The following APLP1 variants were observed in gnomAD, a reference collection of about 807,000 sequenced individuals.
APLP1 encodes the protein amyloid beta precursor like protein 1.
APLP1 carries 46 observed loss-of-function variants against 84.5 expected under a neutral mutation model. The observed-to-expected ratio is 0.54, with a 90% CI of 0.43 to 0.70. The LOEUF (loss-of-function observed/expected upper bound fraction) is 0.70. APLP1 is among the 30% of genes least tolerant of loss of function. The pLI is 0.00. For synonymous variants in APLP1, 376 were observed against 364.0 expected, an observed-to-expected ratio of 1.03 and a Z score of -0.38; for missense variants, 826 against 900.2, an observed-to-expected ratio of 0.92 and a Z score of 1.05.
Position 35,871,670 on chromosome 19 carries a change from C to T in APLP1, c.596C>T (p.Ser199Leu), listed in dbSNP as rs370111912. 6.2e-6 allele frequency: 10 copies of T among 1,614,108 alleles called. No individual in the cohort carries two copies. The highest frequency in any genetic ancestry group is 4.5e-5 in the East Asian group (2 of 44,870). The change falls in exon 5 of 17, where the codon TCG becomes TTG. Residue 199 changes from serine (S) to leucine (L), a missense_variant. Coordinates refer to ENST00000221891, the MANE Select transcript of APLP1 (RefSeq NM_001024807.3). ...HGSGMLLPCG[S>L]DRFRGVEYVC... is the part of the protein sequence containing the mutation. ...TCGGGCATGCTCTTACCCTGTGGCT[C>T]GGATCGGTTCCGTGGTGTGGAGTAT...
Position 35,872,022 on chromosome 19 carries a change from C to T in APLP1, c.836C>T (p.Ala279Val), listed in dbSNP as rs1365435884. 3 of 1,613,786 alleles carry T rather than the reference C, an allele frequency of 1.9e-6. No homozygotes were observed. The highest frequency in any genetic ancestry group is 2.5e-6 in the Non-Finnish European group (3 of 1,179,850). ...CCACCCCCAAGCTCCCATACACTTG[C>T]AGTGGTCGGCAAAGGTGAGGCAGTC... ...TVPPPSSHTL[A>V]VVGKVTPTPR... is the part of the protein sequence containing the mutation. The change falls in exon 6 of 17, where the codon GCA becomes GTA. Residue 279 changes from alanine (A) to valine (V), a missense_variant. By Grantham distance (64) the Ala-to-Val change is moderately conservative (BLOSUM62 0). Coordinates refer to ENST00000221891, the MANE Select transcript of APLP1 (RefSeq NM_001024807.3).
chr19:35,876,676 A>G (rs113790194), intron 11 of APLP1, 60 bp downstream of exon 11: 1 of 1,363,884 alleles, frequency 7.3e-7, no homozygotes, highest in Non-Finnish European at 1.0e-6. Flanking sequence ...TTGACTCCTA[A>G]ATGTTGGGCC....
In APLP1 at chr19:35,879,764, A is replaced by C; in HGVS notation, c.*323A>C. 3.3e-6 allele frequency: 1 copy of C among 300,868 alleles called. No homozygotes were observed. Among genetic ancestry groups the C allele is most frequent in the Non-Finnish European group, 6.2e-6 (1 of 162,198 alleles). 18.6% of individuals were successfully genotyped at this position (300,868 alleles called of 1,614,324 possible). A position where few individuals can be genotyped will look rare whatever the true frequency, so the allele number is the denominator to read the frequency against. On this transcript the variant is annotated 3_prime_UTR_variant, in exon 17 of 17. Coordinates refer to ENST00000221891, the MANE Select transcript of APLP1 (RefSeq NM_001024807.3). The stretch of plus-strand genomic sequence containing the variant: ...TTCACCCTCTCATGTTTCCCTACTA[A>C]CATCCCAATAAAGTCCTCTTCCCTA...
At position 35,874,677 on chromosome 19, in the gene APLP1, G is replaced by C. The variant is rs1259214740; in HGVS notation, c.1215+15G>C. 1 of 1,613,366 alleles carries C rather than the reference G, an allele frequency of 6.2e-7. No homozygotes were observed. ...ATCCGCCTCAGGTGCGGGGACCGTGGGGGCAGAGAGCAGAGGGTGAGAAGG... is the reference window on the plus strand; with the variant it reads ...ATCCGCCTCAGGTGCGGGGACCGTGCGGGCAGAGAGCAGAGGGTGAGAAGG... On this transcript the variant is annotated intron_variant, in intron 9 of 16. Transcript: ENST00000221891. The surrounding 1 kb of genome is among the most constrained non-coding windows in gnomAD (Gnocchi z 6.4).
rs1382359444 is a variant in APLP1 at position 35,872,051 on chromosome 19, GA to G, written c.850+17del. ...GGTCGGCAAAGGTGAGGCAGTCTCT[GA>G]ACCCCTGGGGCCTCTCCACCATAGA... is the stretch of plus-strand genomic sequence containing the variant. On this transcript the variant is annotated intron_variant, in intron 6 of 16. Coordinates refer to ENST00000221891, the MANE Select transcript of APLP1 (RefSeq NM_001024807.3). 2 of 1,610,754 alleles carry G rather than the reference GA, an allele frequency of 1.2e-6. No homozygotes were observed. Among genetic ancestry groups the G allele is most frequent in the Admixed American group, 3.3e-5 (2 of 59,816 alleles).
chr19:35,868,804 G>A lies in APLP1; in HGVS notation c.147+21G>A. On this transcript the variant is annotated intron_variant, in intron 1 of 16. Transcript: ENST00000221891. This position sits in a 1 kb window ranked among gnomAD's most constrained non-coding sequence, Gnocchi z 5.2. The stretch of plus-strand genomic sequence containing the variant: ...CCGAGGTGAGGCCGGGCCGGGTCCT[G>A]GGGGATGGGGGAAGGGGCGGGACCG... 7.8e-7 allele frequency: 1 copy of A among 1,280,422 alleles called. No homozygotes were observed. Among genetic ancestry groups the A allele is most frequent in the Non-Finnish European group, 9.9e-7 (1 of 1,013,588 alleles). 79.3% of individuals were successfully genotyped at this position (1,280,422 alleles called of 1,614,324 possible).
intron 1 of APLP1, 73 bp from the exon 2 acceptor site, chr19:35,869,594 A>C: frequency 6.3e-7 from 1 of 1,580,234 alleles, no homozygotes; most frequent in Non-Finnish European, 8.6e-7. Flanking sequence ...TCTCGGTCCT[A>C]GGGAGCAAAG....
At chr19:35,869,876 C>A in intron 2 of APLP1, 66 bp downstream of exon 2, 1 of 1,532,594 alleles carries the variant, frequency 6.5e-7, no homozygotes, top group South Asian at 1.2e-5. Context: ...AAGGCGTGGT[C>A]CAGGGTGCTG....
In APLP1 at chr19:35,874,136, T is replaced by C. The variant is rs1459644738; in HGVS notation, c.1057-368T>C. Among the ~76,000 whole-genome samples, 2 of 152,148 alleles carry C rather than the reference T, an allele frequency of 1.3e-5. No individual in the cohort carries two copies. Among genetic ancestry groups the C allele is most frequent in the African/African-American group, 4.8e-5 (2 of 41,444 alleles). On this transcript the variant is annotated intron_variant, in intron 8 of 16. Transcript: ENST00000221891. The surrounding 1 kb of genome is among the most constrained non-coding windows in gnomAD (Gnocchi z 6.4). Reference sequence around the variant, plus strand: ...GAGACCCCACTCATGTTAGCCCCCATTCCAGCTCTTTGTCCCACCCCTATC... The same window carrying C: ...GAGACCCCACTCATGTTAGCCCCCACTCCAGCTCTTTGTCCCACCCCTATC...
Position 35,868,698 on chromosome 19 carries a change from CGCT to C in APLP1, c.71_73del (p.Leu24del), listed in dbSNP as rs1167191465. ...CGCCGCCCGGGCCAGCCGCCGCTGC[CGCT>C]GCTGCTGCCACTATTGCTGCTGCTT... On this transcript the variant is annotated inframe_deletion, in exon 1 of 17. Coordinates refer to ENST00000221891, the MANE Select transcript of APLP1 (RefSeq NM_001024807.3). The surrounding 1 kb of genome is among the most constrained non-coding windows in gnomAD (Gnocchi z 5.2). 1.4e-6 allele frequency: 2 copies of C among 1,416,484 alleles called. No individual in the cohort carries two copies. Among genetic ancestry groups the C allele is most frequent in the Admixed American group, 3.0e-5 (1 of 33,808 alleles). 87.7% of individuals were successfully genotyped at this position (1,416,484 alleles called of 1,614,324 possible). A position where few individuals can be genotyped will look rare whatever the true frequency, so the allele number is the denominator to read the frequency against.
rs958606394 is a variant in APLP1, at chr19:35,874,231, C to T, written c.1057-273C>T. On this transcript the variant is annotated intron_variant, in intron 8 of 16. Coordinates refer to ENST00000221891, the MANE Select transcript of APLP1 (RefSeq NM_001024807.3). This position sits in a 1 kb window ranked among gnomAD's most constrained non-coding sequence, Gnocchi z 6.4. Reference sequence around the variant, plus strand: ...CCAGGAGCCCTGCAAGGCTTTGTCCCTTTCACCTTAACATTGGTCAGTTCT... The same window carrying T: ...CCAGGAGCCCTGCAAGGCTTTGTCCTTTTCACCTTAACATTGGTCAGTTCT... Among the ~76,000 whole-genome samples, 1 of 152,224 alleles carries T rather than the reference C, an allele frequency of 6.6e-6. No individual in the cohort carries two copies. Among genetic ancestry groups the T allele is most frequent in the African/African-American group, 2.4e-5 (1 of 41,454 alleles).
intron 7 of APLP1, among the ~76,000 whole-genome samples, chr19:35,873,282 T>C (rs920123231): frequency 1.3e-5 from 2 of 150,468 alleles, no homozygotes; most frequent in African/African-American, 4.9e-5. Flanking sequence ...AGTTTCGCTC[T>C]GTTGCCCAGG....
chr19:35,871,001 C>G lies in APLP1; in HGVS notation c.397C>G (p.His133Asp). 1 of 1,548,650 alleles carries G rather than the reference C, an allele frequency of 6.5e-7. No homozygotes were observed. Among genetic ancestry groups the G allele is most frequent in the South Asian group, 1.2e-5 (1 of 82,058 alleles). Residue 133 changes from histidine (H) to aspartate (D), a missense_variant, in exon 3 of 17, where the codon CAC (histidine) becomes GAC (aspartate). Coordinates refer to ENST00000221891, the MANE Select transcript of APLP1 (RefSeq NM_001024807.3). ...SRSGSCAHPH[H>D]QVVPFRCLPG... ...GAGCGGCAGCTGCGCCCACCCCCACCACCAGGTTGTGCCCTTCCGCTGCCT... is the reference window on the plus strand; with the variant it reads ...GAGCGGCAGCTGCGCCCACCCCCACGACCAGGTTGTGCCCTTCCGCTGCCT...
chr19:35,878,769 G>C, intron 14 of APLP1, 115 bp downstream of exon 14: 9 of 1,528,780 alleles, frequency 5.9e-6, no homozygotes, highest in Non-Finnish European at 8.2e-6. Flanking sequence ...GGAAGAGGGA[G>C]CTGAGGACGT....
rs768846654 is a variant in APLP1 at position 35,873,633 on chromosome 19, A to G, written c.982-6A>G. On this transcript the variant is annotated splice_polypyrimidine_tract_variant and splice_region_variant and intron_variant, in intron 7 of 16. Transcript: ENST00000221891. ...CTGGGATCCTGAAGCTCCCCTCCCT[A>G]TGCAGGTGATGCGTGAATGGGCCAT... The G allele has an allele frequency of 3.7e-6, 6 of 1,614,056 alleles. No homozygotes were observed. The highest frequency in any genetic ancestry group is 1.7e-5 in the Admixed American group (1 of 60,004).
intron 11 of APLP1, 65 bp from the exon 12 acceptor site, chr19:35,877,653 G>A (rs1227694119): frequency 9.2e-7 from 1 of 1,090,484 alleles, no homozygotes; most frequent in African/African-American, 1.6e-5. Flanking sequence ...TGCTCTACTG[G>A]TAGGGTGCCC....
Position 35,871,661 on chromosome 19 carries a change from C to T in APLP1, c.587C>T (p.Pro196Leu). The T allele has an allele frequency of 6.2e-7, 1 of 1,614,098 alleles. No individual in the cohort carries two copies. Among genetic ancestry groups the T allele is most frequent in the Non-Finnish European group, 8.5e-7 (1 of 1,180,008 alleles). ...CTGCACGGCTCGGGCATGCTCTTAC[C>T]CTGTGGCTCGGATCGGTTCCGTGGT... is the stretch of plus-strand genomic sequence containing the variant. The part of the protein sequence containing the change: ...LILHGSGMLL[P>L]CGSDRFRGVE... The change falls in exon 5 of 17, where the codon CCC becomes CTC. Residue 196 changes from proline to leucine, a missense_variant. Pro to Leu is a moderately conservative substitution (Grantham distance 98). Around this residue, in one of 3 missense-constraint regions of APLP1, gnomAD observed 383 missense variants for 378.3 expected, o/e 1.01. Coordinates refer to ENST00000221891, the MANE Select transcript of APLP1 (RefSeq NM_001024807.3).
In APLP1 at chr19:35,871,682, G is replaced by T. The variant is rs781528434; in HGVS notation, c.608G>T (p.Arg203Leu). The T allele has an allele frequency of 6.2e-7, 1 of 1,614,056 alleles. No homozygotes were observed. Among genetic ancestry groups the T allele is most frequent in the South Asian group, 1.1e-5 (1 of 91,080 alleles). ...TTACCCTGTGGCTCGGATCGGTTCC[G>T]TGGTGTGGAGTATGTGTGCTGTCCC... is the stretch of plus-strand genomic sequence containing the variant. Reference protein sequence around the residue: ...MLLPCGSDRFRGVEYVCCPPP... With the variant: ...MLLPCGSDRFLGVEYVCCPPP... The change falls in exon 5 of 17, where the codon CGT becomes CTT. Residue 203 changes from arginine (R) to leucine (L), a missense_variant. Around this residue, in one of 3 missense-constraint regions of APLP1, gnomAD observed 383 missense variants for 378.3 expected, o/e 1.01. Coordinates refer to ENST00000221891, the MANE Select transcript of APLP1 (RefSeq NM_001024807.3).
Position 35,869,688 on chromosome 19 carries a change from G to A in APLP1, c.169G>A (p.Ala57Thr). The A allele has an allele frequency of 6.2e-7, 1 of 1,611,768 alleles. No individual in the cohort carries two copies. The highest frequency in any genetic ancestry group is 8.5e-7 in the Non-Finnish European group (1 of 1,179,314). The change falls in exon 2 of 17, where the codon GCT becomes ACT. Residue 57 changes from alanine (A) to threonine (T), a missense_variant. By Grantham distance (58) the Ala-to-Thr change is moderately conservative (BLOSUM62 0). Around this residue, in one of 3 missense-constraint regions of APLP1, gnomAD observed 383 missense variants for 378.3 expected, o/e 1.01. Coordinates refer to ENST00000221891, the MANE Select transcript of APLP1 (RefSeq NM_001024807.3). Reference protein sequence around the residue: ...AAEAPGSAQVAGLCGRLTLHR... With the variant: ...AAEAPGSAQVTGLCGRLTLHR... ...CCAGGCCCCGGGGTCGGCCCAGGTG[G>A]CTGGACTATGCGGGCGCCTAACCCT...
Sources: allele counts gnomAD v4.1 joint callset (sites outside exome capture counted in the v4.1 genomes callset), GRCh38; gene constraint gnomAD v4.1.1; regional missense constraint gnomAD v4.1.1; non-coding constraint Gnocchi (gnomAD v3.1); transcripts MANE v1.5; gene names NCBI Gene and HGNC (gene_info 2026-07-23, HGNC 2026-07-21).